Variants in NEUROD6 observed in about 807,000 individuals in gnomAD.
NEUROD6 encodes the protein neuronal differentiation 6.
A neutral mutation model predicts 24.1 loss-of-function variants in NEUROD6; 5 were observed. The observed-to-expected ratio is 0.21, with a 90% CI of 0.11 to 0.44. The LOEUF is 0.44. NEUROD6 is among the 20% of genes least tolerant of loss of function. NEUROD6 has a pLI of 0.99. For missense variants in NEUROD6, 325 were observed against 409.5 expected (o/e 0.79, Z 1.78); for synonymous variants, 182 against 154.1 (o/e 1.18, Z -1.34).
At chr7:31,339,751 A>AAAC (rs554407409) in intron 1 of NEUROD6, among the ~76,000 whole-genome samples, 3 of 151,782 alleles carry the variant, frequency 2.0e-5, no homozygotes, top group African/African-American at 4.8e-5. Flanking sequence ...TTCTTTTTTT[A>AAAC]AAACAAACAA....
In NEUROD6 at chr7:31,338,292, G is replaced by T. The variant is rs769632579; in HGVS notation, c.977C>A (p.Thr326Lys). Residue 326 changes from threonine (T) to lysine (K), a missense_variant, in exon 2 of 2, where the codon ACA (threonine) becomes AAA (lysine). Physicochemically the swap from Thr to Lys is moderately conservative, Grantham distance 78 (BLOSUM62 -1). Transcript: ENST00000297142. This position sits in a 1 kb window ranked among gnomAD's most constrained non-coding sequence, Gnocchi z 5.1. ...YDLHLRSQSL[T>K]MQDELNAVFH... is the part of the protein sequence containing the mutation. ...AACTGCATTTAATTCATCTTGCATT[G>T]TGAGAGATTGGCTGCGCAGATGTAA... 5.6e-6 allele frequency: 9 copies of T among 1,613,826 alleles called. No individual in the cohort carries two copies. In the East Asian group the frequency reaches 1.8e-4, roughly 32 times the overall value.
rs368831349 is a variant in NEUROD6 at position 31,338,300 on chromosome 7, T to C, written c.969A>G (p.Gln323=). Residue 323 remains glutamine (Q), a synonymous_variant, in exon 2 of 2, where the codon CAA becomes CAG. Coordinates refer to ENST00000297142, the MANE Select transcript of NEUROD6 (RefSeq NM_022728.4). This position sits in a 1 kb window ranked among gnomAD's most constrained non-coding sequence, Gnocchi z 5.1. ...HFPYDLHLRS[Q]SLTMQDELNA... ...TTAATTCATCTTGCATTGTGAGAGATTGGCTGCGCAGATGTAAGTCGTAAG... is the reference window on the plus strand; with the variant it reads ...TTAATTCATCTTGCATTGTGAGAGACTGGCTGCGCAGATGTAAGTCGTAAG... 1.4e-5 allele frequency: 22 copies of C among 1,614,000 alleles called. No individual in the cohort carries two copies. Among genetic ancestry groups the C allele is most frequent in the Non-Finnish European group, 9.3e-6 (11 of 1,180,026 alleles).
chr7:31,339,763 C>A (rs1302264454), intron 1 of NEUROD6, among the ~76,000 whole-genome samples: 3 of 151,948 alleles, frequency 2.0e-5, no homozygotes, highest in Non-Finnish European at 1.5e-5. Flanking sequence ...AACAAACAAA[C>A]AAACAAACAA....
rs1016030382 is a variant in NEUROD6, at chr7:31,339,388, G to C, written c.-21-99C>G. 3 of 975,130 alleles carry C rather than the reference G, an allele frequency of 3.1e-6. No homozygotes were observed. In the African/African-American group the frequency reaches 5.0e-5, roughly 16 times the overall value. The allele number at this position is 975,130 out of a possible 1,614,324, so 60.4% of individuals were successfully genotyped here. A position where few individuals can be genotyped will look rare whatever the true frequency, so the allele number is the denominator to read the frequency against. On this transcript the variant is annotated intron_variant, in intron 1 of 1. Transcript: ENST00000297142. ...TTTAATCATAAGATTACAAAAACAC[G>C]TGAAAAAGACTGATTCTGGGCCTGA... is the stretch of plus-strand genomic sequence containing the variant.
chr7:31,339,245 C>G lies in NEUROD6; in HGVS notation c.24G>C (p.Glu8Asp). 1 of 1,612,242 alleles carries G rather than the reference C, an allele frequency of 6.2e-7. No individual in the cohort carries two copies. The highest frequency in any genetic ancestry group is 8.5e-7 in the Non-Finnish European group (1 of 1,179,394). MLTLPFD[E>D]SVVMPESQMC... ...TCTGGGATTCTGGCATTACAACAGACTCATCAAACGGTAGTGTTAACATGG... is the reference window on the plus strand; with the variant it reads ...TCTGGGATTCTGGCATTACAACAGAGTCATCAAACGGTAGTGTTAACATGG... Residue 8 changes from glutamate to aspartate, a missense_variant, in exon 2 of 2, where the codon GAG (glutamate) becomes GAC (aspartate). Coordinates refer to ENST00000297142, the MANE Select transcript of NEUROD6 (RefSeq NM_022728.4).
rs774777268 is a variant in NEUROD6, at chr7:31,338,529, G to A, written c.740C>T (p.Thr247Ile). Reference protein sequence around the residue: ...CSAYESFYESTSPECASPQFE... With the variant: ...CSAYESFYESISPECASPQFE... ...CTGAGGGCTGGCACACTCAGGGGAA[G>A]TACTTTCATAGAAGGATTCATACGC... is the stretch of plus-strand genomic sequence containing the variant. Residue 247 changes from threonine (T) to isoleucine (I), a missense_variant, in exon 2 of 2, where the codon ACT becomes ATT. Thr to Ile is a moderately conservative substitution (Grantham distance 89). Around this residue, in one of 3 missense-constraint regions of NEUROD6, gnomAD observed 175 missense variants for 201.3 expected, o/e 0.87. Transcript: ENST00000297142. This position sits in a 1 kb window ranked among gnomAD's most constrained non-coding sequence, Gnocchi z 5.1. 1.2e-6 allele frequency: 2 copies of A among 1,614,200 alleles called. No homozygotes were observed. Among genetic ancestry groups the A allele is most frequent in the Non-Finnish European group, 1.7e-6 (2 of 1,180,024 alleles).
At position 31,338,103 on chromosome 7, in the gene NEUROD6, T is replaced by C. The variant is rs1433987696; in HGVS notation, c.*152A>G. The stretch of plus-strand genomic sequence containing the variant: ...TCTCATACGAAAAGAGATTTATTAT[T>C]ACATAGAAAATTCTCACAATAGTTG... On this transcript the variant is annotated 3_prime_UTR_variant, in exon 2 of 2. Coordinates refer to ENST00000297142, the MANE Select transcript of NEUROD6 (RefSeq NM_022728.4). The surrounding 1 kb of genome is among the most constrained non-coding windows in gnomAD (Gnocchi z 5.1). 2 of 603,614 alleles carry C rather than the reference T, an allele frequency of 3.3e-6. No homozygotes were observed. Among genetic ancestry groups the C allele is most frequent in the Non-Finnish European group, 5.7e-6 (2 of 352,376 alleles). The allele number at this position is 603,614 out of a possible 1,614,324, so 37.4% of individuals were successfully genotyped here.
At position 31,338,836 on chromosome 7, in the gene NEUROD6, C is replaced by A. The variant is rs1418740691; in HGVS notation, c.433G>T (p.Ala145Ser). Residue 145 changes from alanine (A) to serine (S), a missense_variant, in exon 2 of 2, where the codon GCA becomes TCA. By Grantham distance (99) the Ala-to-Ser change is moderately conservative (BLOSUM62 1). Around this residue, in one of 3 missense-constraint regions of NEUROD6, gnomAD observed 41 missense variants for 100.9 expected, o/e 0.41. Coordinates refer to ENST00000297142, the MANE Select transcript of NEUROD6 (RefSeq NM_022728.4). The surrounding 1 kb of genome is among the most constrained non-coding windows in gnomAD (Gnocchi z 5.1). ...CCGATTCTCAGAATTTCAGAAAGTG[C>A]CCAGATGTAGTTTTTGGCCAGTCGT... ...TLRLAKNYIW[A>S]LSEILRIGKR... The A allele has an allele frequency of 4.3e-6, 7 of 1,613,998 alleles. No individual in the cohort carries two copies. Among genetic ancestry groups the A allele is most frequent in the Non-Finnish European group, 5.9e-6 (7 of 1,180,034 alleles).
rs909856398 is a variant in NEUROD6 at position 31,337,916 on chromosome 7, G to T, written c.*339C>A. 5.1e-6 allele frequency: 1 copy of T among 197,210 alleles called. No homozygotes were observed. The highest frequency in any genetic ancestry group is 1.0e-5 in the Non-Finnish European group (1 of 95,636). The allele number at this position is 197,210 out of a possible 1,614,324, so 12.2% of individuals were successfully genotyped here. ...TTATAATTACTGTACAACCAAAATA[G>T]ACATTGAATTATGCTGTGTGCATGT... On this transcript the variant is annotated 3_prime_UTR_variant, in exon 2 of 2. Transcript: ENST00000297142.
rs745519009 is a variant in NEUROD6, at chr7:31,338,630, G to A, written c.639C>T (p.Ser213=). 1 of 1,614,126 alleles carries A rather than the reference G, an allele frequency of 6.2e-7. No individual in the cohort carries two copies. The highest frequency in any genetic ancestry group is 2.2e-5 in the East Asian group (1 of 44,868). The stretch of plus-strand genomic sequence containing the variant: ...GCCCTGGGGGAGTGGTGAGCTCAGG[G>A]CTGTGGTAGGGTGGGTAGAAGGTAG... ...PYSTFYPPYH[S]PELTTPPGHG... Residue 213 remains serine, a synonymous_variant, in exon 2 of 2, where the codon AGC becomes AGT. Coordinates refer to ENST00000297142, the MANE Select transcript of NEUROD6 (RefSeq NM_022728.4). This position sits in a 1 kb window ranked among gnomAD's most constrained non-coding sequence, Gnocchi z 5.1.
rs10238918 is a variant in NEUROD6, at chr7:31,337,755, T to G, written c.*500A>C. 38,617 of 152,758 alleles carry G rather than the reference T, an allele frequency of 0.25. 5,174 individuals are homozygous for G. The highest frequency in any genetic ancestry group is 0.41 in the Middle Eastern group (120 of 296). The allele number at this position is 152,758 out of a possible 1,614,324, so 9.5% of individuals were successfully genotyped here. ...CATAGCTTTTTATATTGTTGCAAAT[T>G]CATCTCCCAATATCATTGTCAGCTT... On this transcript the variant is annotated 3_prime_UTR_variant, in exon 2 of 2. Transcript: ENST00000297142.
rs1340519301 is a variant in NEUROD6, at chr7:31,338,697, C to A, written c.572G>T (p.Gly191Val). 1 of 1,613,908 alleles carries A rather than the reference C, an allele frequency of 6.2e-7. No individual in the cohort carries two copies. The highest frequency in any genetic ancestry group is 1.3e-5 in the African/African-American group (1 of 74,866). Reference protein sequence around the residue: ...LQLNARSFLMGQGGEAAHHTR... With the variant: ...LQLNARSFLMVQGGEAAHHTR... ...GTGGTGTGCAGCCTCCCCACCCTGA[C>A]CCATCAGGAAACTCCTGGCGTTGAG... Residue 191 changes from glycine to valine, a missense_variant, in exon 2 of 2, where the codon GGT becomes GTT. Gly to Val is a moderately radical substitution (Grantham distance 109). This residue lies in a region of NEUROD6 where 175 missense variants were observed against 201.3 expected (regional missense o/e 0.87). Transcript: ENST00000297142. This position sits in a 1 kb window ranked among gnomAD's most constrained non-coding sequence, Gnocchi z 5.1.
rs780201489 is a variant in NEUROD6 at position 31,338,429 on chromosome 7, G to A, written c.840C>T (p.Asp280=). 2 of 1,614,104 alleles carry A rather than the reference G, an allele frequency of 1.2e-6. No homozygotes were observed. The highest frequency in any genetic ancestry group is 4.5e-5 in the East Asian group (2 of 44,868). The stretch of plus-strand genomic sequence containing the variant: ...TGCCGTAATTGTAATTTTTACCATA[G>A]TCCAAGGTTTCTTCTTGCTTCAGGG... ...IFSLKQEETL[D]YGKNYNYGMH... Residue 280 remains aspartate (D), a synonymous_variant, in exon 2 of 2, where the codon GAC becomes GAT. Transcript: ENST00000297142. The surrounding 1 kb of genome is among the most constrained non-coding windows in gnomAD (Gnocchi z 5.1).
Position 31,338,091 on chromosome 7 carries a change from G to A in NEUROD6, c.*164C>T. ...AGGAAAAGAAGTTCTCATACGAAAA[G>A]AGATTTATTATTACATAGAAAATTC... On this transcript the variant is annotated 3_prime_UTR_variant, in exon 2 of 2. Transcript: ENST00000297142. The surrounding 1 kb of genome is among the most constrained non-coding windows in gnomAD (Gnocchi z 5.1). 1.7e-6 allele frequency: 1 copy of A among 589,180 alleles called. No individual in the cohort carries two copies. The highest frequency in any genetic ancestry group is 3.1e-5 in the Admixed American group (1 of 32,130). 36.5% of individuals were successfully genotyped at this position (589,180 alleles called of 1,614,324 possible).
In NEUROD6 at chr7:31,340,577, T is replaced by A. The variant is rs1422858116; in HGVS notation, c.-22+16A>T. 1 of 152,278 alleles carries A rather than the reference T, an allele frequency of 6.6e-6. No homozygotes were observed. Among genetic ancestry groups the A allele is most frequent in the Non-Finnish European group, 1.5e-5 (1 of 68,036 alleles). 9.4% of individuals were successfully genotyped at this position (152,278 alleles called of 1,614,324 possible). A position where few individuals can be genotyped will look rare whatever the true frequency, so the allele number is the denominator to read the frequency against. ...CAAAGCCAGCATCAATTGAAGTATA[T>A]CTTTATTTATATTACCTTAGGTTTT... On this transcript the variant is annotated intron_variant, in intron 1 of 1. Transcript: ENST00000297142.
In NEUROD6 at chr7:31,337,694, A is replaced by C. The variant is rs1783077348; in HGVS notation, c.*561T>G. ...TTGAAGAGGAATAGTTACCAATTGA[A>C]TGCATTTAGATTCATCCTTAATAAA... On this transcript the variant is annotated 3_prime_UTR_variant, in exon 2 of 2. Coordinates refer to ENST00000297142, the MANE Select transcript of NEUROD6 (RefSeq NM_022728.4). The C allele has an allele frequency of 6.5e-6, 1 of 152,682 alleles. No individual in the cohort carries two copies. The highest frequency in any genetic ancestry group is 2.4e-5 in the African/African-American group (1 of 41,448). 9.5% of individuals were successfully genotyped at this position (152,682 alleles called of 1,614,324 possible).
chr7:31,338,978 C>T lies in NEUROD6; in HGVS notation c.291G>A (p.Gln97=), dbSNP rs1783096618. Residue 97 remains glutamine (Q), a synonymous_variant, in exon 2 of 2, where the codon CAG becomes CAA. Coordinates refer to ENST00000297142, the MANE Select transcript of NEUROD6 (RefSeq NM_022728.4). The surrounding 1 kb of genome is among the most constrained non-coding windows in gnomAD (Gnocchi z 5.1). ...TGTTCCTCTCGCGCGCGTTCGCTTC[C>T]TGTCTCCTGAACTTGACCCTTTCCA... ...LRLERVKFRR[Q]EANARERNRM... 6.2e-7 allele frequency: 1 copy of T among 1,613,982 alleles called. No homozygotes were observed. Among genetic ancestry groups the T allele is most frequent in the African/African-American group, 1.3e-5 (1 of 74,874 alleles).
Position 31,338,147 on chromosome 7 carries a change from A to T in NEUROD6, c.*108T>A. 1.2e-6 allele frequency: 1 copy of T among 820,414 alleles called. No individual in the cohort carries two copies. Among genetic ancestry groups the T allele is most frequent in the Non-Finnish European group, 1.9e-6 (1 of 530,722 alleles). 50.8% of individuals were successfully genotyped at this position (820,414 alleles called of 1,614,324 possible). On this transcript the variant is annotated 3_prime_UTR_variant, in exon 2 of 2. Transcript: ENST00000297142. This position sits in a 1 kb window ranked among gnomAD's most constrained non-coding sequence, Gnocchi z 5.1. ...ATAGTTGAAACACACTTCAGAAACT[A>T]GTAAACACCTTAGATAGAGTTGTGC...
Position 31,338,809 on chromosome 7 carries a change from T to C in NEUROD6, c.460A>G (p.Lys154Glu). 6.2e-7 allele frequency: 1 copy of C among 1,614,180 alleles called. No homozygotes were observed. Among genetic ancestry groups the C allele is most frequent in the East Asian group, 2.2e-5 (1 of 44,872 alleles). The change falls in exon 2 of 2, where the codon AAG (lysine) becomes GAG (glutamate). Residue 154 changes from lysine to glutamate, a missense_variant. This residue lies in a region of NEUROD6 where 41 missense variants were observed against 100.9 expected (regional missense o/e 0.41). Transcript: ENST00000297142. This position sits in a 1 kb window ranked among gnomAD's most constrained non-coding sequence, Gnocchi z 5.1. ...WALSEILRIG[K>E]RPDLLTFVQN... ...ACGAATGTGAGCAGATCTGGTCTCT[T>C]GCCGATTCTCAGAATTTCAGAAAGT...
Sources: allele counts gnomAD v4.1 joint callset (sites outside exome capture counted in the v4.1 genomes callset), GRCh38; gene constraint gnomAD v4.1.1; regional missense constraint gnomAD v4.1.1; non-coding constraint Gnocchi (gnomAD v3.1); transcripts MANE v1.5; gene names NCBI Gene and HGNC (gene_info 2026-07-23, HGNC 2026-07-21).